The following RPL28 variants were observed in gnomAD, a reference collection of about 807,000 sequenced individuals.
RPL28 encodes the protein large ribosomal subunit protein eL28.
Under a neutral mutation model 12.5 loss-of-function variants are expected in RPL28, and 4 were observed. The observed-to-expected ratio is 0.32, with a 90% CI of 0.16 to 0.73. RPL28 has a LOEUF of 0.73. Among genes scored for constraint, RPL28 ranks in the 30% least tolerant of loss-of-function variants. The pLI is 0.66. For synonymous variants in RPL28, 91 were observed against 72.5 expected (o/e 1.26, Z -1.30); for missense variants, 214 against 197.7 (o/e 1.08, Z -0.49).
At chr19:55,387,822 G>T (rs1237090702) in intron 3 of RPL28, 108 bp from the exon 4 acceptor site, 2 of 1,473,574 alleles carry the variant, frequency 1.4e-6, no homozygotes, top group East Asian at 2.4e-5. Context: ...CACCCGCCAC[G>T]GGCCCACGCT....
chr19:55,388,249 A>C lies in RPL28; in HGVS notation c.331A>C (p.Ile111Leu). Residue 111 changes from isoleucine to leucine, a missense_variant, in exon 5 of 5, where the codon ATC (isoleucine) becomes CTC (leucine). Physicochemically the swap from Ile to Leu is conservative, Grantham distance 5. Transcript: ENST00000344063. ...TCTGCTCCCCCGCCCCCAGGCAGCC[A>C]TCCGCAGGGCCAGCGCCATCCTGCG... Reference protein sequence around the residue: ...KYRPDLRMAAIRRASAILRSQ... With the variant: ...KYRPDLRMAALRRASAILRSQ... The C allele has an allele frequency of 6.4e-7, 1 of 1,553,240 alleles. No homozygotes were observed. Among genetic ancestry groups the C allele is most frequent in the Non-Finnish European group, 8.7e-7 (1 of 1,151,302 alleles).
intron 4 of RPL28, among the ~76,000 whole-genome samples, chr19:55,397,344 T>C (rs1215849722): frequency 6.6e-6 from 1 of 152,262 alleles, no homozygotes; most frequent in East Asian, 1.9e-4. Flanking sequence ...TTCTTAAATA[T>C]ACAAGCATGT....
Position 55,390,879 on chromosome 19 carries a change from T to C in RPL28, c.*2547T>C, listed in dbSNP as rs2089983913. The C allele has an allele frequency of 2.0e-6, 2 of 985,086 alleles. No individual in the cohort carries two copies. The highest frequency in any genetic ancestry group is 2.4e-6 in the Non-Finnish European group (2 of 829,832). The allele number at this position is 985,086 out of a possible 1,614,324, so 61.0% of individuals were successfully genotyped here. A position where few individuals can be genotyped will look rare whatever the true frequency, so the allele number is the denominator to read the frequency against. On this transcript the variant is annotated 3_prime_UTR_variant, in exon 5 of 5. Coordinates refer to ENST00000344063, the MANE Select transcript of RPL28 (RefSeq NM_000991.5). ...CACCATTTCCCTCCTCTAGACCTCA[T>C]CTTGGAGAGAGAGATGTTGGATGGG... is the stretch of plus-strand genomic sequence containing the variant.
downstream of RPL28, among the ~76,000 whole-genome samples, chr19:55,396,999 C>T (rs993015726): frequency 1.3e-5 from 2 of 152,104 alleles, no homozygotes; most frequent in African/African-American, 4.8e-5. Flanking sequence ...CCCACCTCAG[C>T]CTCCTGAGTA....
At position 55,390,548 on chromosome 19, in the gene RPL28, C is replaced by CT; in HGVS notation, c.*2217dup. 1 of 985,552 alleles carries CT rather than the reference C, an allele frequency of 1.0e-6. No individual in the cohort carries two copies. The highest frequency in any genetic ancestry group is 1.2e-6 in the Non-Finnish European group (1 of 830,012). The allele number at this position is 985,552 out of a possible 1,614,324, so 61.1% of individuals were successfully genotyped here. A position where few individuals can be genotyped will look rare whatever the true frequency, so the allele number is the denominator to read the frequency against. ...GCCTTGTCCTTAACCACCTCCTTGCCTGCCCTGGAGGCTTGTGCCTCTAGG... is the reference window on the plus strand; with the variant it reads ...GCCTTGTCCTTAACCACCTCCTTGCCTTGCCCTGGAGGCTTGTGCCTCTAGG... On this transcript the variant is annotated 3_prime_UTR_variant, in exon 5 of 5. Transcript: ENST00000344063.
At chr19:55,395,730 A>C (rs369639789), downstream of RPL28, among the ~76,000 whole-genome samples, 39 of 152,188 alleles carry the variant, frequency 2.6e-4, 1 homozygote, top group African/African-American at 9.4e-4. Flanking sequence ...GGCATGAGCC[A>C]CCGCGCCCAG....
chr19:55,387,880 AGGTGCAGGTTAGGTGGACT>A (rs756461296), intron 3 of RPL28, 31 bp from the exon 4 acceptor site: 2 of 1,514,294 alleles, frequency 1.3e-6, no homozygotes, highest in Non-Finnish European at 1.8e-6. Context: ...GGTGTGCTAA[AGGTGCAGGTTAGGTGGACT>A]GACCCCAGGA....
In RPL28 at chr19:55,390,625, C is replaced by T; in HGVS notation, c.*2293C>T. The T allele has an allele frequency of 2.0e-6, 2 of 985,640 alleles. No individual in the cohort carries two copies. The highest frequency in any genetic ancestry group is 2.4e-6 in the Non-Finnish European group (2 of 830,086). 61.1% of individuals were successfully genotyped at this position (985,640 alleles called of 1,614,324 possible). The stretch of plus-strand genomic sequence containing the variant: ...CTTTCTCCATCCCTATCTGAATCCT[C>T]CCTGCTGTGTGGCCTCCCCTGGTCT... On this transcript the variant is annotated 3_prime_UTR_variant, in exon 5 of 5. Coordinates refer to ENST00000344063, the MANE Select transcript of RPL28 (RefSeq NM_000991.5).
At position 55,388,499 on chromosome 19, in the gene RPL28, T is replaced by A; in HGVS notation, c.*167T>A. The A allele has an allele frequency of 3.0e-6, 4 of 1,314,440 alleles. No homozygotes were observed. Among genetic ancestry groups the A allele is most frequent in the Non-Finnish European group, 3.9e-6 (4 of 1,027,534 alleles). 81.4% of individuals were successfully genotyped at this position (1,314,440 alleles called of 1,614,324 possible). On this transcript the variant is annotated 3_prime_UTR_variant, in exon 5 of 5. Coordinates refer to ENST00000344063, the MANE Select transcript of RPL28 (RefSeq NM_000991.5). ...TCCATCTGGAGGTGATGTCAATGGC[T>A]GGCCATGCAGGAGGGGTGGGGTAGC...
At position 55,392,040 on chromosome 19, in the gene RPL28, G is replaced by C. The variant is rs2089994865; in HGVS notation, c.*3708G>C. 9.5e-7 allele frequency: 1 copy of C among 1,053,730 alleles called. No homozygotes were observed. The highest frequency in any genetic ancestry group is 1.7e-5 in the African/African-American group (1 of 59,862). The allele number at this position is 1,053,730 out of a possible 1,614,324, so 65.3% of individuals were successfully genotyped here. ...GCCCAGGAATGGTATCAATTCCCCT[G>C]TTTCTCTTGTAGCCAGTTACTAGAA... On this transcript the variant is annotated 3_prime_UTR_variant, in exon 5 of 5. Transcript: ENST00000344063.
chr19:55,386,335 C>T lies in RPL28; in HGVS notation c.-8-15C>T, dbSNP rs761186376. On this transcript the variant is annotated splice_polypyrimidine_tract_variant and intron_variant, in intron 1 of 4. Coordinates refer to ENST00000344063, the MANE Select transcript of RPL28 (RefSeq NM_000991.5). ...CTCTGTGTCTGACGCTTTCCCTGTG[C>T]CCGTTTCCCCGCAGCCGCCGCCATG... 2 of 1,611,802 alleles carry T rather than the reference C, an allele frequency of 1.2e-6. No homozygotes were observed. Among genetic ancestry groups the T allele is most frequent in the South Asian group, 1.1e-5 (1 of 90,822 alleles).
rs2089994421 is a variant in RPL28 at position 55,391,975 on chromosome 19, C to T, written c.*3643C>T. 1.5e-5 allele frequency: 18 copies of T among 1,170,242 alleles called. No individual in the cohort carries two copies. Among genetic ancestry groups the T allele is most frequent in the Non-Finnish European group, 1.8e-5 (17 of 945,228 alleles). The allele number at this position is 1,170,242 out of a possible 1,614,324, so 72.5% of individuals were successfully genotyped here. ...CCTGCCCGTGTTTGTGAATATCATT[C>T]TGTCCTCAGCTGCATTTCCAGCCCA... On this transcript the variant is annotated 3_prime_UTR_variant, in exon 5 of 5. Transcript: ENST00000344063.
In RPL28 at chr19:55,386,141, C is replaced by G. The variant is rs187054757; in HGVS notation, c.-9+176C>G. On this transcript the variant is annotated intron_variant, in intron 1 of 4. Transcript: ENST00000344063. The stretch of plus-strand genomic sequence containing the variant: ...TTCCCCTCACTCTCATTCGCCGCAG[C>G]TAGTCTCGGCTGCCTGAATTCGGTC... The G allele has an allele frequency of 3.3e-5, 19 of 576,840 alleles. No homozygotes were observed. In the East Asian group the frequency reaches 4.8e-4, roughly 15 times the overall value. 35.7% of individuals were successfully genotyped at this position (576,840 alleles called of 1,614,324 possible). A position where few individuals can be genotyped will look rare whatever the true frequency, so the allele number is the denominator to read the frequency against.
At chr19:55,387,830 G>A (rs1352092762) in intron 3 of RPL28, 100 bp from the exon 4 acceptor site, 28 of 1,481,998 alleles carry the variant, frequency 1.9e-5, no homozygotes, top group African/African-American at 5.6e-5. Flanking sequence ...ACGGGCCCAC[G>A]CTGCTCAGCT....
rs1355131238 is a variant in RPL28, at chr19:55,389,520, G to T, written c.*1188G>T. ...CAAAGAAGGACTCTGCTCCCTGTCT[G>T]AGACCACCCCCGGCTCTGACTGAGA... is the stretch of plus-strand genomic sequence containing the variant. On this transcript the variant is annotated 3_prime_UTR_variant, in exon 5 of 5. Coordinates refer to ENST00000344063, the MANE Select transcript of RPL28 (RefSeq NM_000991.5). 1.0e-6 allele frequency: 1 copy of T among 985,310 alleles called. No homozygotes were observed. Among genetic ancestry groups the T allele is most frequent in the African/African-American group, 1.7e-5 (1 of 57,226 alleles). The allele number at this position is 985,310 out of a possible 1,614,324, so 61.0% of individuals were successfully genotyped here.
At chr19:55,387,416 C>T in intron 3 of RPL28, 1 of 1,543,016 alleles carries the variant, frequency 6.5e-7, no homozygotes, top group Non-Finnish European at 8.7e-7. Flanking sequence ...AGGGAGCAGC[C>T]AATTGCTTGG....
Position 55,386,412 on chromosome 19 carries a change from A to C in RPL28, c.55A>C (p.Lys19Gln). The change falls in exon 2 of 5, where the codon AAG becomes CAG. Residue 19 changes from lysine (K) to glutamine (Q), a missense_variant. Coordinates refer to ENST00000344063, the MANE Select transcript of RPL28 (RefSeq NM_000991.5). The stretch of plus-strand genomic sequence containing the variant: ...GCGGAACTGCTCCAGTTTCCTGATC[A>C]AGAGGAATAAGCAGACCTACAGCAC... ...VVRNCSSFLIKRNKQTYSTEP... is the reference protein window; with the variant it reads ...VVRNCSSFLIQRNKQTYSTEP... 1 of 1,614,076 alleles carries C rather than the reference A, an allele frequency of 6.2e-7. No homozygotes were observed. The highest frequency in any genetic ancestry group is 8.5e-7 in the Non-Finnish European group (1 of 1,180,000).
chr19:55,401,366 A>G, intron 4 of RPL28: 1 of 1,059,614 alleles, frequency 9.4e-7, no homozygotes, highest in Non-Finnish European at 1.4e-6. Context: ...AATTTAAATA[A>G]CTTAGAGACA....
In RPL28 at chr19:55,388,961, C is replaced by G. The variant is rs1484674216; in HGVS notation, c.*629C>G. On this transcript the variant is annotated 3_prime_UTR_variant, in exon 5 of 5. Transcript: ENST00000344063. The stretch of plus-strand genomic sequence containing the variant: ...GGCATTGAGCAGCCTTAGCATTGTC[C>G]CCCTACTCCCGTCCTCCAGGTGTCC... The G allele has an allele frequency of 1.4e-5, 14 of 985,440 alleles. No homozygotes were observed. Among genetic ancestry groups the G allele is most frequent in the Non-Finnish European group, 1.7e-5 (14 of 829,956 alleles). 61.0% of individuals were successfully genotyped at this position (985,440 alleles called of 1,614,324 possible). A position where few individuals can be genotyped will look rare whatever the true frequency, so the allele number is the denominator to read the frequency against.
Sources: allele counts gnomAD v4.1 joint callset (sites outside exome capture counted in the v4.1 genomes callset), GRCh38; gene constraint gnomAD v4.1.1; transcripts MANE v1.5; gene names NCBI Gene and HGNC (gene_info 2026-07-23, HGNC 2026-07-21).